Variants in PCDHA11 observed in about 807,000 individuals in gnomAD.
The protein encoded by PCDHA11 is protocadherin alpha-11.
PCDHA11 carries 61 observed loss-of-function variants against 70.3 expected under a neutral mutation model. That is an observed-to-expected ratio of 0.87 (90% confidence interval 0.71 to 1.07). PCDHA11 has a LOEUF of 1.07. PCDHA11 is among the 50% of genes least tolerant of loss of function. The pLI is 0.00. For missense variants in PCDHA11, 1,324 were observed against 1,237.5 expected, an observed-to-expected ratio of 1.07 and a Z score of -1.05; for synonymous variants, 633 against 555.1, an observed-to-expected ratio of 1.14 and a Z score of -1.97.
At chr5:140,964,677 A>G (rs578237071) in intron 1 of PCDHA11, among the ~76,000 whole-genome samples, 11 of 152,090 alleles carry the variant, frequency 7.2e-5, no homozygotes, top group Non-Finnish European at 1.0e-4. Flanking sequence ...CAGGTCCACA[A>G]TTTGTGCACT....
At chr5:140,979,571 G>A (rs2096856939) in intron 2 of PCDHA11, among the ~76,000 whole-genome samples, 1 of 152,154 alleles carries the variant, frequency 6.6e-6, no homozygotes. Flanking sequence ...GCCATGTAAA[G>A]GGCTCCAAAT....
intron 1 of PCDHA11, among the ~76,000 whole-genome samples, chr5:140,891,033 G>C (rs2062910794): frequency 6.6e-6 from 1 of 151,596 alleles, no homozygotes; most frequent in South Asian, 2.1e-4. Context: ...TATAATCTTA[G>C]GTGTGACCCC....
At chr5:140,898,099 A>C (rs1469393554) in intron 1 of PCDHA11, among the ~76,000 whole-genome samples, 2 of 152,168 alleles carry the variant, frequency 1.3e-5, no homozygotes, top group African/African-American at 4.8e-5. Flanking sequence ...GCCCTTTGTC[A>C]GATGAGTAGG....
chr5:140,929,185 GATA>G (rs1393626283), intron 1 of PCDHA11: 12 of 1,614,168 alleles, frequency 7.4e-6, no homozygotes, highest in Non-Finnish European at 1.0e-5. Flanking sequence ...ACTTGGTTCT[GATA>G]ATAACAGTTT....
intron 3 of PCDHA11, among the ~76,000 whole-genome samples, chr5:141,000,501 C>G (rs1252221313): frequency 2.1e-5 from 3 of 139,584 alleles, no homozygotes; most frequent in Admixed American, 7.5e-5. Flanking sequence ...GATCTCGGCT[C>G]ACTGCAACCT....
intron 3 of PCDHA11, among the ~76,000 whole-genome samples, chr5:140,996,006 C>G (rs962825775): frequency 6.6e-6 from 1 of 152,204 alleles, no homozygotes; most frequent in Non-Finnish European, 1.5e-5. Context: ...GTCGTCAGAA[C>G]TATTACTACT....
chr5:140,958,135 G>A (rs868969031), intron 1 of PCDHA11, among the ~76,000 whole-genome samples: 1 of 152,036 alleles, frequency 6.6e-6, no homozygotes, highest in Non-Finnish European at 1.5e-5. Flanking sequence ...GTATCAGTGT[G>A]TATATTTATA....
intron 1 of PCDHA11, among the ~76,000 whole-genome samples, chr5:140,930,742 A>G (rs2087064675): frequency 6.6e-6 from 1 of 152,216 alleles, no homozygotes; most frequent in Non-Finnish European, 1.5e-5. Context: ...AATAAAATAA[A>G]TTTACATATG....
At chr5:141,009,482 C>T in intron 3 of PCDHA11, 145 bp from the exon 4 acceptor site, 1 of 1,446,086 alleles carries the variant, frequency 6.9e-7, no homozygotes, top group Non-Finnish European at 9.1e-7. Flanking sequence ...TAAACACTTG[C>T]CTTGCCCTCA....
At chr5:140,920,323 T>C (rs1448405138) in intron 1 of PCDHA11, among the ~76,000 whole-genome samples, 3 of 152,212 alleles carry the variant, frequency 2.0e-5, no homozygotes, top group Non-Finnish European at 4.4e-5. Context: ...AAATTATATA[T>C]TTATGGCATT....
At chr5:140,934,695 T>G (rs155824) in intron 1 of PCDHA11, among the ~76,000 whole-genome samples, 48,210 of 151,950 alleles carry the variant, frequency 0.32, 7,985 homozygotes, top group East Asian at 0.53. Flanking sequence ...ATGAATTGAT[T>G]CCTGGCCATC....
chr5:140,922,700 A>G (rs1447566146), intron 1 of PCDHA11, among the ~76,000 whole-genome samples: 1 of 152,256 alleles, frequency 6.6e-6, no homozygotes, highest in Non-Finnish European at 1.5e-5. Context: ...GCTTCCATAC[A>G]GTCAAGAACA....
chr5:140,974,456 A>G (rs957426015), intron 1 of PCDHA11, among the ~76,000 whole-genome samples: 2 of 152,230 alleles, frequency 1.3e-5, no homozygotes, highest in Non-Finnish European at 2.9e-5. Context: ...AAATGACTAC[A>G]TTCAGAGGAA....
chr5:140,941,874 A>C (rs1554214738), intron 1 of PCDHA11, among the ~76,000 whole-genome samples: 1 of 152,222 alleles, frequency 6.6e-6, no homozygotes, highest in African/African-American at 2.4e-5. Context: ...GAGTTCTATC[A>C]CCAGTGACTA....
At chr5:140,880,241 C>T (rs529552139) in intron 1 of PCDHA11, among the ~76,000 whole-genome samples, 12 of 150,302 alleles carry the variant, frequency 8.0e-5, no homozygotes, top group South Asian at 4.2e-4. Flanking sequence ...AGTGTATGTG[C>T]GTGTGTGTAT....
intron 1 of PCDHA11, among the ~76,000 whole-genome samples, chr5:140,891,848 C>T (rs2063280221): frequency 6.6e-6 from 1 of 152,158 alleles, no homozygotes; most frequent in East Asian, 1.9e-4. Flanking sequence ...ATGGAAGGAG[C>T]CTGTCCCTCT....
At chr5:140,982,671 G>T in intron 3 of PCDHA11, 108 bp downstream of exon 3, 1 of 1,454,062 alleles carries the variant, frequency 6.9e-7, no homozygotes, top group South Asian at 1.4e-5. Context: ...TTATATTTTT[G>T]TTATTCCCTT....
At chr5:140,992,918 A>C (rs1362238628) in intron 3 of PCDHA11, among the ~76,000 whole-genome samples, 2 of 152,186 alleles carry the variant, frequency 1.3e-5, no homozygotes, top group Non-Finnish European at 2.9e-5. Context: ...GGCCCTCTCC[A>C]TACTTACAGC....
At chr5:140,877,696 T>C (rs1554169994) in intron 1 of PCDHA11, 1 of 1,613,838 alleles carries the variant, frequency 6.2e-7, no homozygotes, top group South Asian at 1.1e-5. Flanking sequence ...GCTGGTGTGC[T>C]CCAGCGCCGT....
Sources: gnomAD v4.1 joint callset for allele counts (sites outside exome capture counted in the v4.1 genomes callset) on GRCh38, gnomAD v4.1.1 for gene constraint, MANE v1.5 for transcripts, NCBI Gene and HGNC (gene_info 2026-07-23, HGNC 2026-07-21) for gene names.